The following SHISA9 variants were observed in gnomAD, a reference collection of about 807,000 sequenced individuals.
The protein encoded by SHISA9 is protein shisa-9.
SHISA9 carries 13 observed loss-of-function variants against 38.0 expected under a neutral mutation model. The ratio of observed to expected loss-of-function variants is 0.34; its 90% CI spans 0.22 to 0.54. SHISA9 has a LOEUF of 0.54. SHISA9 is among the 20% of genes least tolerant of loss of function. The pLI is 0.91. For synonymous variants in SHISA9, 275 were observed against 242.0 expected (o/e 1.14, Z -1.27); for missense variants, 538 against 575.8 (o/e 0.93, Z 0.67).
the SHISA9 span, among the ~76,000 whole-genome samples, chr16:13,537,170 G>A: frequency 2.0e-5 from 3 of 152,282 alleles, no homozygotes; most frequent in South Asian, 6.2e-4. Flanking sequence ...GCTCATGCCT[G>A]TAATCCTAGC....
At chr16:12,938,346 A>T (rs1567345406) in intron 2 of SHISA9, among the ~76,000 whole-genome samples, 1 of 152,196 alleles carries the variant, frequency 6.6e-6, no homozygotes, top group Non-Finnish European at 1.5e-5. Context: ...CAAGTCTTAC[A>T]CATTTTGAGA....
chr16:12,904,879 A>T (rs2071072177), intron 1 of SHISA9, among the ~76,000 whole-genome samples: 1 of 151,870 alleles, frequency 6.6e-6, no homozygotes, highest in Admixed American at 6.6e-5. Context: ...ATTATTATTT[A>T]TTTATTTTTT....
At chr16:13,062,116 A>G (rs2073383337) in intron 2 of SHISA9, among the ~76,000 whole-genome samples, 1 of 152,132 alleles carries the variant, frequency 6.6e-6, no homozygotes, top group Non-Finnish European at 1.5e-5. Flanking sequence ...CCCCAGATAA[A>G]TTTGAATCTC....
At chr16:13,219,923 A>C (rs1296233292) in intron 4 of SHISA9, among the ~76,000 whole-genome samples, 1 of 152,128 alleles carries the variant, frequency 6.6e-6, no homozygotes, top group Non-Finnish European at 1.5e-5. Flanking sequence ...ACGCCACTGC[A>C]CTCCAGCCTG....
At chr16:13,251,370 G>A in the SHISA9 span, among the ~76,000 whole-genome samples, 1 of 152,158 alleles carries the variant, frequency 6.6e-6, no homozygotes, top group African/African-American at 2.4e-5. Context: ...CAGCTATGCA[G>A]GTGTACCCAG....
At chr16:13,106,320 A>G (rs2073924763) in intron 2 of SHISA9, among the ~76,000 whole-genome samples, 1 of 152,144 alleles carries the variant, frequency 6.6e-6, no homozygotes, top group Non-Finnish European at 1.5e-5. Context: ...AGCCTGATGT[A>G]CAGTAGCAAA....
At chr16:13,122,833 G>A (rs1384237251) in intron 2 of SHISA9, among the ~76,000 whole-genome samples, 1 of 152,202 alleles carries the variant, frequency 6.6e-6, no homozygotes, top group Non-Finnish European at 1.5e-5. Flanking sequence ...GATCGCCTGA[G>A]GTCAGGAGTT....
intron 2 of SHISA9, among the ~76,000 whole-genome samples, chr16:13,062,605 T>A (rs1243485246): frequency 6.6e-6 from 1 of 152,106 alleles, no homozygotes; most frequent in Non-Finnish European, 1.5e-5. Context: ...ATCATGGTGC[T>A]TTTGAGCCCC....
the SHISA9 span, among the ~76,000 whole-genome samples, chr16:13,491,819 T>C: frequency 7.4e-5 from 2 of 27,186 alleles, no homozygotes; most frequent in African/African-American, 1.4e-4. Context: ...TTTATTGACC[T>C]TTTTTTTTTT....
At chr16:13,102,257 G>A (rs1406506498) in intron 2 of SHISA9, among the ~76,000 whole-genome samples, 1 of 152,152 alleles carries the variant, frequency 6.6e-6, no homozygotes, top group Non-Finnish European at 1.5e-5. Context: ...GCTACCTGTT[G>A]CATTTCTAAA....
chr16:13,395,497 T>A, the SHISA9 span, among the ~76,000 whole-genome samples: 1 of 152,236 alleles, frequency 6.6e-6, no homozygotes, highest in Non-Finnish European at 1.5e-5. Flanking sequence ...GCCCTAATAG[T>A]GTCTGAGACT....
At chr16:13,080,596 G>A (rs984939761) in intron 2 of SHISA9, among the ~76,000 whole-genome samples, 10 of 152,168 alleles carry the variant, frequency 6.6e-5, no homozygotes, top group Non-Finnish European at 1.3e-4. Flanking sequence ...AAGAAGAGCA[G>A]GATTGAGAGG....
At chr16:13,114,120 C>A (rs542614315) in intron 2 of SHISA9, among the ~76,000 whole-genome samples, 4 of 152,168 alleles carry the variant, frequency 2.6e-5, no homozygotes, top group African/African-American at 9.7e-5. Context: ...GGCTCCCCCA[C>A]TGCCAGTTTT....
intron 4 of SHISA9, among the ~76,000 whole-genome samples, chr16:13,231,144 G>C (rs558632045): frequency 2.0e-5 from 3 of 152,306 alleles, no homozygotes; most frequent in Admixed American, 2.0e-4. Flanking sequence ...ACATGCCTCT[G>C]ACAGTTGTCC....
intron 2 of SHISA9, among the ~76,000 whole-genome samples, chr16:13,053,661 C>T (rs1035771357): frequency 2.0e-5 from 3 of 152,028 alleles, no homozygotes; most frequent in Admixed American, 1.3e-4. Context: ...GATCTTTCTT[C>T]GTGTATCTTA....
intron 2 of SHISA9, among the ~76,000 whole-genome samples, chr16:12,983,724 G>C (rs1033863911): frequency 2.6e-5 from 4 of 152,174 alleles, no homozygotes; most frequent in Non-Finnish European, 1.5e-5. Context: ...TCCTGACCTT[G>C]TGATCCACCT....
At chr16:13,146,862 T>C (rs1018095445) in intron 2 of SHISA9, among the ~76,000 whole-genome samples, 1 of 152,210 alleles carries the variant, frequency 6.6e-6, no homozygotes, top group Non-Finnish European at 1.5e-5. Context: ...ATATAGATTA[T>C]GGGACGAGGT....
chr16:13,032,820 C>G (rs2073007963), intron 2 of SHISA9, among the ~76,000 whole-genome samples: 1 of 152,130 alleles, frequency 6.6e-6, no homozygotes, highest in South Asian at 2.1e-4. Flanking sequence ...GACAGGAGTG[C>G]AACTGAATTC....
the SHISA9 span, among the ~76,000 whole-genome samples, chr16:13,257,621 T>G: frequency 6.6e-6 from 1 of 152,210 alleles, no homozygotes; most frequent in Non-Finnish European, 1.5e-5. Context: ...AGGTGTCCAC[T>G]TCTGCCAGTT....
Sources: allele counts gnomAD v4.1 joint callset (sites outside exome capture counted in the v4.1 genomes callset), GRCh38; gene constraint gnomAD v4.1.1; transcripts MANE v1.5; gene names NCBI Gene and HGNC (gene_info 2026-07-23, HGNC 2026-07-21).